ASH1L: variants seen among roughly 807,000 people sequenced by gnomAD.
The protein encoded by ASH1L is ASH1 like histone lysine methyltransferase, also known as histone-lysine N-methyltransferase ASH1L.
ASH1L carries 23 observed loss-of-function variants against 269.0 expected under a neutral mutation model. That is an observed-to-expected ratio of 0.09 (90% CI 0.06 to 0.12). The LOEUF (loss-of-function observed/expected upper bound fraction) is 0.12, where lower values mean the gene tolerates loss of function less well. Ranked by LOEUF, ASH1L falls within the 10% of genes least tolerant of loss-of-function variation. ASH1L has a pLI of 1.00. For synonymous variants in ASH1L, 1,187 were observed against 1,253.5 expected (o/e 0.95, Z 1.12); for missense variants, 2,912 against 3,567.8 (o/e 0.82, Z 4.68).
At chr1:155,419,405 T>C (rs1376155098) in intron 5 of ASH1L, 1 of 151,738 alleles carries the variant, frequency 6.6e-6, no homozygotes, top group Non-Finnish European at 1.5e-5. Context: ...ATGTGCTTGA[T>C]TCAGCAGCAC....
intron 6 of ASH1L, among the ~76,000 whole-genome samples, chr1:155,397,912 A>C (rs561822618): frequency 6.6e-6 from 1 of 152,182 alleles, no homozygotes; most frequent in East Asian, 1.9e-4. Context: ...GTGCTTTAGG[A>C]AAATATTAAA....
chr1:155,408,910 A>AAAAAC lies in ASH1L; in HGVS notation c.6008+6829_6008+6833dup, dbSNP rs765664617. Among the ~76,000 whole-genome samples, 48 of 152,260 alleles carry AAAAAC rather than the reference A, an allele frequency of 3.2e-4. 1 individual carries two copies. Among genetic ancestry groups the AAAAAC allele is most frequent in the African/African-American group, 7.7e-4 (32 of 41,526 alleles). On this transcript the variant is annotated intron_variant, in intron 6 of 27. Coordinates refer to ENST00000392403, the MANE Select transcript of ASH1L (RefSeq NM_018489.3). Reference sequence around the variant, plus strand: ...ATTCATGAGTCTATAAGGTATTCAAAAAAACAAAACAAAACAAAACAAACA... The same window carrying AAAAAC: ...ATTCATGAGTCTATAAGGTATTCAAAAAAACAAAACAAAACAAAACAAAACAAACA...
At chr1:155,428,830 C>G (rs1195571843) in intron 5 of ASH1L, among the ~76,000 whole-genome samples, 2 of 152,158 alleles carry the variant, frequency 1.3e-5, no homozygotes, top group Non-Finnish European at 2.9e-5. Context: ...TCTATAGAAA[C>G]AATGCTAATG....
rs927864544 is a variant in ASH1L at position 155,451,877 on chromosome 1, T to C, written c.5086+7920A>G. 2.6e-5 allele frequency among the ~76,000 whole-genome samples: 4 copies of C among 151,866 alleles called. No homozygotes were observed. The East Asian group carries it at 7.7e-4, about 29-fold the overall frequency. On this transcript the variant is annotated intron_variant, in intron 4 of 27. Transcript: ENST00000392403. ...CTGGGACTACAGGCATGTGTCACCA[T>C]GGCCGGCTAATTTTTATATTTTTAG...
chr1:155,497,899 G>A (rs1242308245), intron 2 of ASH1L, among the ~76,000 whole-genome samples: 1 of 151,786 alleles, frequency 6.6e-6, no homozygotes, highest in African/African-American at 2.4e-5. Flanking sequence ...ACAGGCGCCT[G>A]CCACCAGGCA....
intron 7 of ASH1L, among the ~76,000 whole-genome samples, chr1:155,383,053 AAAG>A (rs1461339195): frequency 6.6e-6 from 1 of 152,246 alleles, no homozygotes; most frequent in Non-Finnish European, 1.5e-5. Flanking sequence ...AAAAGTTTAA[AAAG>A]AAGAAAAAAT....
intron 8 of ASH1L, among the ~76,000 whole-genome samples, chr1:155,379,240 G>GT (rs1409689698): frequency 1.3e-5 from 2 of 152,078 alleles, no homozygotes; most frequent in Non-Finnish European, 2.9e-5. Context: ...TTTCTAGTCA[G>GT]TATGTTCAAA....
In ASH1L at chr1:155,415,725, A is replaced by C. The variant is rs749814886; in HGVS notation, c.6008+19T>G. On this transcript the variant is annotated intron_variant, in intron 6 of 27. Transcript: ENST00000392403. ...TGTGGAAGAAAAAGGGATGTTAGCT[A>C]ATAGGTACTACTACTTACTCTGTAG... 19 of 1,603,354 alleles carry C rather than the reference A, an allele frequency of 1.2e-5. No homozygotes were observed.
intron 6 of ASH1L, among the ~76,000 whole-genome samples, chr1:155,411,099 G>T (rs906074491): frequency 6.6e-6 from 1 of 152,172 alleles, no homozygotes; most frequent in Non-Finnish European, 1.5e-5. Flanking sequence ...ACAGTGGGCA[G>T]GTTGTGTGTA....
chr1:155,400,591 G>A (rs747247897), intron 6 of ASH1L, among the ~76,000 whole-genome samples: 1 of 152,062 alleles, frequency 6.6e-6, no homozygotes, highest in Non-Finnish European at 1.5e-5. Context: ...AGTAACTGAC[G>A]AAGCTAGGAT....
intron 2 of ASH1L, among the ~76,000 whole-genome samples, chr1:155,499,854 T>C (rs1313846879): frequency 1.3e-5 from 2 of 152,152 alleles, no homozygotes; most frequent in Non-Finnish European, 2.9e-5. Flanking sequence ...ATTTTTTTTT[T>C]CCATTAGCAA....
intron 2 of ASH1L, among the ~76,000 whole-genome samples, chr1:155,501,882 C>T (rs941063599): frequency 2.6e-5 from 4 of 151,818 alleles, no homozygotes; most frequent in African/African-American, 7.3e-5. Flanking sequence ...AGGATGGTCT[C>T]GATCTATTGA....
At chr1:155,399,854 C>A (rs1166792821) in intron 6 of ASH1L, among the ~76,000 whole-genome samples, 2 of 151,938 alleles carry the variant, frequency 1.3e-5, no homozygotes, top group East Asian at 3.9e-4. Context: ...CTAGGATAAA[C>A]CCCAGGAGAA....
chr1:155,533,651 T>C (rs192342774), intron 1 of ASH1L, among the ~76,000 whole-genome samples: 28 of 151,700 alleles, frequency 1.8e-4, no homozygotes, highest in African/African-American at 6.8e-4. Context: ...CAGGCAAAGG[T>C]TGCAGTGAGC....
At chr1:155,463,118 G>A (rs1664426011) in intron 3 of ASH1L, among the ~76,000 whole-genome samples, 1 of 152,110 alleles carries the variant, frequency 6.6e-6, no homozygotes, top group African/African-American at 2.4e-5. Context: ...TTTTATAAAC[G>A]CCAATTTGCA....
rs1041673153 is a variant in ASH1L, at chr1:155,478,245, T to C, written c.4625A>G (p.His1542Arg). 3 of 1,613,994 alleles carry C rather than the reference T, an allele frequency of 1.9e-6. No individual in the cohort carries two copies. The highest frequency in any genetic ancestry group is 2.5e-6 in the Non-Finnish European group (3 of 1,180,012). The change falls in exon 3 of 28, where the codon CAT (histidine) becomes CGT (arginine). Residue 1542 changes from histidine to arginine, a missense_variant. By Grantham distance (29) the His-to-Arg change is conservative. Around this residue, in one of 13 missense-constraint regions of ASH1L, gnomAD observed 789 missense variants for 897.6 expected, o/e 0.88. Coordinates refer to ENST00000392403, the MANE Select transcript of ASH1L (RefSeq NM_018489.3). The surrounding 1 kb of genome is among the most constrained non-coding windows in gnomAD (Gnocchi z 4.6). Reference protein sequence around the residue: ...EKHRCHMSCPHLSPSKSLINR... With the variant: ...EKHRCHMSCPRLSPSKSLINR... ...TATTAAGCTTTTTGAAGGAGAGAGATGAGGGCAGGACATGTGACAACGGTG... is the reference window on the plus strand; with the variant it reads ...TATTAAGCTTTTTGAAGGAGAGAGACGAGGGCAGGACATGTGACAACGGTG...
intron 16 of ASH1L, 111 bp from the exon 17 acceptor site, chr1:155,352,969 T>G (rs1327381808): frequency 2.1e-6 from 2 of 969,672 alleles, no homozygotes; most frequent in East Asian, 5.4e-5. Flanking sequence ...AGTGATTAGG[T>G]AGATTAGTGG....
chr1:155,453,918 C>A (rs960216707), intron 4 of ASH1L, among the ~76,000 whole-genome samples: 1 of 152,118 alleles, frequency 6.6e-6, no homozygotes, highest in Non-Finnish European at 1.5e-5. Context: ...CTGGCTAACA[C>A]GGTGAAACCC....
chr1:155,461,348 G>A (rs763780162), intron 3 of ASH1L, among the ~76,000 whole-genome samples: 21 of 151,918 alleles, frequency 1.4e-4, no homozygotes, highest in Middle Eastern at 3.2e-3. Context: ...CAGGTGAGAT[G>A]TAAGACTATA....
Sources: gnomAD v4.1 joint callset for allele counts (sites outside exome capture counted in the v4.1 genomes callset) on GRCh38, gnomAD v4.1.1 for gene constraint, gnomAD v4.1.1 regional missense constraint, Gnocchi (gnomAD v3.1) non-coding constraint, MANE v1.5 for transcripts, NCBI Gene and HGNC (gene_info 2026-07-23, HGNC 2026-07-21) for gene names.